UGT2B15: variants seen among roughly 807,000 people sequenced by gnomAD.
UGT2B15 encodes the protein UDP-glucuronosyltransferase 2B15.
A neutral mutation model predicts 45.9 loss-of-function variants in UGT2B15; 36 were observed. The ratio of observed to expected loss-of-function variants is 0.78; its 90% CI spans 0.60 to 1.04. The LOEUF (loss-of-function observed/expected upper bound fraction) is 1.04, where lower values mean the gene tolerates loss of function less well. UGT2B15 is among the 50% of genes least tolerant of loss of function. The probability of loss-of-function intolerance (pLI) is 0.00; values close to 1 mark genes in which losing one functional copy is unlikely to be tolerated. For missense variants in UGT2B15, 617 were observed against 622.4 expected (o/e 0.99, Z 0.09); for synonymous variants, 219 against 216.4 (o/e 1.01, Z -0.11).
chr4:68,649,423 T>C (rs1446075492), intron 5 of UGT2B15, among the ~76,000 whole-genome samples: 1 of 151,290 alleles, frequency 6.6e-6, no homozygotes, highest in Non-Finnish European at 1.5e-5. Context: ...GGACTACAGG[T>C]GCTCATCCCC....
intron 3 of UGT2B15, among the ~76,000 whole-genome samples, chr4:68,661,615 TG>T (rs1238918382): frequency 2.0e-5 from 3 of 152,094 alleles, no homozygotes; most frequent in African/African-American, 7.2e-5. Context: ...TTGACATCAT[TG>T]ATTACAAAAG....
chr4:68,665,940 G>A (rs542131420), intron 2 of UGT2B15, among the ~76,000 whole-genome samples: 7 of 152,156 alleles, frequency 4.6e-5, no homozygotes, highest in Admixed American at 1.3e-4. Context: ...CCAGCTACTC[G>A]GGAGGCTGAG....
intron 1 of UGT2B15, among the ~76,000 whole-genome samples, chr4:68,668,392 A>T (rs1304113596): frequency 6.6e-6 from 1 of 152,196 alleles, no homozygotes; most frequent in Non-Finnish European, 1.5e-5. Flanking sequence ...ATATGTATAT[A>T]TAAGGAAGGC....
At chr4:68,655,388 T>C (rs917735029) in intron 3 of UGT2B15, among the ~76,000 whole-genome samples, 1 of 152,086 alleles carries the variant, frequency 6.6e-6, no homozygotes, top group Non-Finnish European at 1.5e-5. Context: ...ATAATCAATT[T>C]TGTATATAAA....
Position 68,669,876 on chromosome 4 carries a change from A to G in UGT2B15, c.724+19T>C. The G allele has an allele frequency of 6.3e-7, 1 of 1,588,900 alleles. No homozygotes were observed. Among genetic ancestry groups the G allele is most frequent in the Non-Finnish European group, 8.5e-7 (1 of 1,172,730 alleles). On this transcript the variant is annotated intron_variant, in intron 1 of 5. Coordinates refer to ENST00000338206, the MANE Select transcript of UGT2B15 (RefSeq NM_001076.4). Reference sequence around the variant, plus strand: ...GAAAAGTTAGAACTTAATAAGCACCAGTTAGACACATGACTTACCTAGAAC... The same window carrying G: ...GAAAAGTTAGAACTTAATAAGCACCGGTTAGACACATGACTTACCTAGAAC...
intron 5 of UGT2B15, 62 bp downstream of exon 5, chr4:68,653,975 C>A: frequency 6.3e-7 from 1 of 1,587,148 alleles, no homozygotes; most frequent in Non-Finnish European, 8.6e-7. Context: ...GGTTAAAATT[C>A]ATATTCACTG....
At chr4:68,662,835 T>C (rs1354364588) in intron 3 of UGT2B15, among the ~76,000 whole-genome samples, 173 bp downstream of exon 3, 1 of 137,586 alleles carries the variant, frequency 7.3e-6, no homozygotes, top group African/African-American at 2.7e-5. Flanking sequence ...CCAAAACTCC[T>C]CTCTTTATGA....
At chr4:68,657,199 A>C (rs1044554838) in intron 3 of UGT2B15, among the ~76,000 whole-genome samples, 1 of 152,132 alleles carries the variant, frequency 6.6e-6, no homozygotes, top group Non-Finnish European at 1.5e-5. Context: ...TCCCAGGCAA[A>C]AGGCACCCCT....
At chr4:68,651,865 G>T (rs1259389968) in intron 5 of UGT2B15, among the ~76,000 whole-genome samples, 1 of 151,904 alleles carries the variant, frequency 6.6e-6, no homozygotes, top group Non-Finnish European at 1.5e-5. Context: ...GCTCTTTTTT[G>T]TTTCCATATG....
At position 68,670,147 on chromosome 4, in the gene UGT2B15, C is replaced by A. The variant is rs1411963344; in HGVS notation, c.472G>T (p.Gly158Cys). ...VILADALNPC[G>C]ELLAELFNIP... The stretch of plus-strand genomic sequence containing the variant: ...TTAAATAGTTCAGCCAGTAGCTCAC[C>A]ACAGGGATTAAGGGCATCTGCCAGA... Residue 158 changes from glycine to cysteine, a missense_variant, in exon 1 of 6, where the codon GGT becomes TGT. Physicochemically the swap from Gly to Cys is radical, Grantham distance 159 (BLOSUM62 -3). Coordinates refer to ENST00000338206, the MANE Select transcript of UGT2B15 (RefSeq NM_001076.4). 6.2e-7 allele frequency: 1 copy of A among 1,614,050 alleles called. No homozygotes were observed.
At position 68,646,965 on chromosome 4, in the gene UGT2B15, TA is replaced by T; in HGVS notation, c.*138del. The T allele has an allele frequency of 7.6e-7, 1 of 1,316,530 alleles. No homozygotes were observed. Among genetic ancestry groups the T allele is most frequent in the Non-Finnish European group, 1.0e-6 (1 of 961,530 alleles). The allele number at this position is 1,316,530 out of a possible 1,614,324, so 81.6% of individuals were successfully genotyped here. ...AAGTACGTATTAAATCCCTGGAAAA[TA>T]AATTTTGTCTTAACAAGGTAAGTTG... On this transcript the variant is annotated 3_prime_UTR_variant, in exon 6 of 6. Coordinates refer to ENST00000338206, the MANE Select transcript of UGT2B15 (RefSeq NM_001076.4).
chr4:68,647,779 G>C (rs148472746), intron 5 of UGT2B15, among the ~76,000 whole-genome samples: 43 of 152,106 alleles, frequency 2.8e-4, no homozygotes, highest in African/African-American at 9.9e-4. Flanking sequence ...GCAGTCACAT[G>C]ATCATGGCTC....
intron 3 of UGT2B15, among the ~76,000 whole-genome samples, chr4:68,657,721 A>G (rs1732850257): frequency 6.6e-6 from 1 of 152,048 alleles, no homozygotes; most frequent in African/African-American, 2.4e-5. Flanking sequence ...TTTAAAAAAA[A>G]TTCTTTTCTT....
chr4:68,666,355 A>G (rs1170220655), intron 2 of UGT2B15, among the ~76,000 whole-genome samples: 1 of 152,156 alleles, frequency 6.6e-6, no homozygotes, highest in Non-Finnish European at 1.5e-5. Context: ...ATGAAGACTG[A>G]TATCTTAAAT....
rs568609948 is a variant in UGT2B15 at position 68,653,698 on chromosome 4, AGAAATTTTAGGTATTG to A, written c.1313+323_1313+338del. On this transcript the variant is annotated intron_variant, in intron 5 of 5. Coordinates refer to ENST00000338206, the MANE Select transcript of UGT2B15 (RefSeq NM_001076.4). The stretch of plus-strand genomic sequence containing the variant: ...TGAGAAAGAATAGATTCATACTTTC[AGAAATTTTAGGTATTG>A]AATTGAAATATCATATTTCTCTAGT... 2.3e-3 allele frequency among the ~76,000 whole-genome samples: 351 copies of A among 152,180 alleles called. 6 individuals carry two copies. The highest frequency in any genetic ancestry group is 7.9e-3 in the African/African-American group (329 of 41,540).
At chr4:68,667,928 GT>G in intron 2 of UGT2B15, 111 bp downstream of exon 2, 5 of 1,479,018 alleles carry the variant, frequency 3.4e-6, no homozygotes, top group Admixed American at 2.2e-5. Flanking sequence ...GCAAGTCCTT[GT>G]TTTTGACCTC....
At chr4:68,667,830 CA>C (rs1733184789) in intron 2 of UGT2B15, among the ~76,000 whole-genome samples, 9 of 152,112 alleles carry the variant, frequency 5.9e-5, no homozygotes, top group Admixed American at 5.9e-4. Context: ...ACCCTGTTTT[CA>C]AAATCTCCCT....
chr4:68,654,212 C>A lies in UGT2B15; in HGVS notation c.1138G>T (p.Gly380Cys). Residue 380 changes from glycine (G) to cysteine (C), a missense_variant, in exon 5 of 6, where the codon GGC (glycine) becomes TGC (cysteine). This residue lies in a region of UGT2B15 where 265 missense variants were observed against 245.1 expected (regional missense o/e 1.08). Transcript: ENST00000338206. ...CCATGGTAGATCGCCTCATAGATGC[C>A]ATTGGTTCCACCATGAGTTATAAAA... ...KAFITHGGTN[G>C]IYEAIYHGIP... 3.1e-6 allele frequency: 5 copies of A among 1,613,486 alleles called. No homozygotes were observed. The highest frequency in any genetic ancestry group is 4.2e-6 in the Non-Finnish European group (5 of 1,179,638).
At chr4:68,666,030 T>G (rs1221758405) in intron 2 of UGT2B15, among the ~76,000 whole-genome samples, 1 of 150,782 alleles carries the variant, frequency 6.6e-6, no homozygotes, top group African/African-American at 2.4e-5. Context: ...TAATAATCAC[T>G]ATTGTACTAC....
Sources: gnomAD v4.1 joint callset for allele counts (sites outside exome capture counted in the v4.1 genomes callset) on GRCh38, gnomAD v4.1.1 for gene constraint, gnomAD v4.1.1 regional missense constraint, MANE v1.5 for transcripts, NCBI Gene and HGNC (gene_info 2026-07-23, HGNC 2026-07-21) for gene names.